Variants in GABRA2 observed in about 807,000 individuals in gnomAD.
The protein encoded by GABRA2 is gamma-aminobutyric acid receptor subunit alpha-2.
In GABRA2, 16 loss-of-function variants were observed where a neutral mutation model predicts 48.7. That is an observed-to-expected ratio of 0.33 (90% confidence interval 0.22 to 0.50). The LOEUF (loss-of-function observed/expected upper bound fraction) is 0.50. Ranked by LOEUF, GABRA2 falls within the 20% of genes least tolerant of loss-of-function variation. The pLI, the probability that GABRA2 is intolerant of heterozygous loss-of-function variation, is 0.98. For synonymous variants in GABRA2, 185 were observed against 184.5 expected, an observed-to-expected ratio of 1.00 and a Z score of -0.02; for missense variants, 275 against 535.6, an observed-to-expected ratio of 0.51 and a Z score of 4.80.
rs966177186 is a variant in GABRA2 at position 46,246,675 on chromosome 4, G to T, written c.*3633C>A. Among the ~76,000 whole-genome samples the T allele has an allele frequency of 6.6e-6, 1 of 151,236 alleles. No homozygotes were observed. Among genetic ancestry groups the T allele is most frequent in the Admixed American group, 6.6e-5 (1 of 15,118 alleles). ...TTCAAAAACATGCAGATGAATGTCAGTGTGCCAGGAGACTAATAACAATAA... is the reference window on the plus strand; with the variant it reads ...TTCAAAAACATGCAGATGAATGTCATTGTGCCAGGAGACTAATAACAATAA... On this transcript the variant is annotated 3_prime_UTR_variant, in exon 10 of 10. Transcript: ENST00000381620.
chr4:46,250,609 T>G lies in GABRA2; in HGVS notation c.1060-5A>C. On this transcript the variant is annotated splice_polypyrimidine_tract_variant and splice_region_variant and intron_variant, in intron 9 of 9. Transcript: ENST00000381620. ...AACGGAAGCCTTTTCTTTTTTCTAT[T>G]GAAAAATACAAAAATTAACAGAGTG... is the stretch of plus-strand genomic sequence containing the variant. The G allele has an allele frequency of 5.1e-6, 8 of 1,577,462 alleles. No homozygotes were observed. The highest frequency in any genetic ancestry group is 6.9e-6 in the Non-Finnish European group (8 of 1,164,748).
chr4:46,329,446 C>G (rs1316663502), intron 4 of GABRA2, among the ~76,000 whole-genome samples: 2 of 152,030 alleles, frequency 1.3e-5, no homozygotes, highest in African/African-American at 4.8e-5. Context: ...TTCTGTGGAC[C>G]AGCTTCAGCA....
chr4:46,303,709 T>TA (rs1469087992), intron 7 of GABRA2, 97 bp from the exon 8 acceptor site: 4 of 982,336 alleles, frequency 4.1e-6, no homozygotes, highest in East Asian at 5.1e-5. Flanking sequence ...ACTGATTTTT[T>TA]AAAAAATAAT....
At chr4:46,323,756 G>T (rs1038162723) in intron 4 of GABRA2, among the ~76,000 whole-genome samples, 2 of 151,286 alleles carry the variant, frequency 1.3e-5, no homozygotes, top group African/African-American at 4.9e-5. Flanking sequence ...AGGTATGAAC[G>T]CCATGTGGTG....
intron 3 of GABRA2, among the ~76,000 whole-genome samples, chr4:46,377,267 C>G (rs1037802224): frequency 2.7e-5 from 4 of 150,344 alleles, no homozygotes; most frequent in Non-Finnish European, 5.9e-5. Context: ...TCTGCCCGGC[C>G]GCCATCCCAT....
intron 3 of GABRA2, chr4:46,368,333 A>G (rs1333464269): frequency 2.0e-5 from 3 of 152,166 alleles, no homozygotes; most frequent in Admixed American, 2.0e-4. Context: ...GGAAAATGCT[A>G]GCTAGACTCA....
chr4:46,348,340 G>C (rs1001471228), intron 3 of GABRA2, among the ~76,000 whole-genome samples: 3 of 151,998 alleles, frequency 2.0e-5, no homozygotes, highest in Admixed American at 6.6e-5. Context: ...CTGTAAACTA[G>C]TTCAACCATT....
At chr4:46,307,331 C>T (rs1434455811) in intron 6 of GABRA2, among the ~76,000 whole-genome samples, 4 of 151,706 alleles carry the variant, frequency 2.6e-5, no homozygotes, top group Non-Finnish European at 4.4e-5. Flanking sequence ...CTGGCGCTCT[C>T]TTCAATAAAA....
Position 46,353,620 on chromosome 4 carries a change from G to T in GABRA2, c.188-20938C>A, listed in dbSNP as rs148070474. Among the ~76,000 whole-genome samples the T allele has an allele frequency of 5.5e-3, 837 of 152,036 alleles. 4 individuals are homozygous for T. The highest frequency in any genetic ancestry group is 0.019 in the African/African-American group (791 of 41,492). The stretch of plus-strand genomic sequence containing the variant: ...GGCATACTCCTGTTTCACATCTTTT[G>T]AACTGAATGCACTCTTCCCTATTGT... On this transcript the variant is annotated intron_variant, in intron 3 of 9. Coordinates refer to ENST00000381620, the MANE Select transcript of GABRA2 (RefSeq NM_000807.4).
Position 46,250,279 on chromosome 4 carries a change from T to C in GABRA2, c.*29A>G. ...AAACAAACCAAATTTAATGTTGCTA[T>C]ACATCCCAAAGATAACATGGGTCTC... On this transcript the variant is annotated 3_prime_UTR_variant, in exon 10 of 10. Coordinates refer to ENST00000381620, the MANE Select transcript of GABRA2 (RefSeq NM_000807.4). 5 of 1,581,448 alleles carry C rather than the reference T, an allele frequency of 3.2e-6. No individual in the cohort carries two copies. Among genetic ancestry groups the C allele is most frequent in the Non-Finnish European group, 4.3e-6 (5 of 1,161,614 alleles).
chr4:46,299,276 C>G (rs531092447), intron 8 of GABRA2, among the ~76,000 whole-genome samples: 12 of 151,672 alleles, frequency 7.9e-5, no homozygotes, highest in Non-Finnish European at 7.4e-5. Flanking sequence ...TATATAGGTG[C>G]GTACACTTTT....
At chr4:46,353,654 A>AT in intron 3 of GABRA2, among the ~76,000 whole-genome samples, 1 of 152,018 alleles carries the variant, frequency 6.6e-6, no homozygotes, top group South Asian at 2.1e-4. Context: ...GTAGAATGCT[A>AT]TTTTTTTCAG....
intron 7 of GABRA2, among the ~76,000 whole-genome samples, chr4:46,304,077 A>G (rs1726218039): frequency 6.6e-6 from 1 of 151,976 alleles, no homozygotes; most frequent in South Asian, 2.1e-4. Flanking sequence ...AGAGATGTTC[A>G]ATTTGTATTT....
At chr4:46,319,543 G>T (rs1578034255) in intron 4 of GABRA2, among the ~76,000 whole-genome samples, 1 of 151,720 alleles carries the variant, frequency 6.6e-6, no homozygotes, top group East Asian at 1.9e-4. Flanking sequence ...TAACAATTTA[G>T]CACAGTATTT....
At chr4:46,383,819 C>G (rs1280048942) in intron 3 of GABRA2, among the ~76,000 whole-genome samples, 1 of 151,790 alleles carries the variant, frequency 6.6e-6, no homozygotes, top group Non-Finnish European at 1.5e-5. Flanking sequence ...GATCATATGA[C>G]TAAAAGCCAA....
intron 2 of GABRA2, among the ~76,000 whole-genome samples, chr4:46,388,092 C>T (rs1386711578): frequency 6.6e-6 from 1 of 151,848 alleles, no homozygotes; most frequent in Admixed American, 6.6e-5. Flanking sequence ...TGCAAAAAGT[C>T]GATGATTAAT....
At chr4:46,307,895 C>T (rs279865) in intron 6 of GABRA2, among the ~76,000 whole-genome samples, 2 of 151,910 alleles carry the variant, frequency 1.3e-5, no homozygotes, top group South Asian at 4.2e-4. Context: ...CCGAAGAGGG[C>T]GAGTTATATA....
chr4:46,332,783 A>G, intron 3 of GABRA2, 101 bp from the exon 4 acceptor site: 2 of 669,930 alleles, frequency 3.0e-6, no homozygotes, highest in Non-Finnish European at 5.1e-6. Context: ...TGTGTCACAA[A>G]TTCGGGAGTA....
intron 4 of GABRA2, among the ~76,000 whole-genome samples, chr4:46,317,006 C>T (rs1728663827): frequency 6.6e-6 from 1 of 151,864 alleles, no homozygotes; most frequent in Non-Finnish European, 1.5e-5. Context: ...TAGTAGGTAA[C>T]CCCAACTCTC....
Sources: gnomAD v4.1 joint callset for allele counts (sites outside exome capture counted in the v4.1 genomes callset) on GRCh38, gnomAD v4.1.1 for gene constraint, MANE v1.5 for transcripts, NCBI Gene and HGNC (gene_info 2026-07-23, HGNC 2026-07-21) for gene names.